BEGAIN: variants seen among roughly 807,000 people sequenced by gnomAD.
BEGAIN encodes the protein brain enriched guanylate kinase associated, also known as brain-enriched guanylate kinase-associated protein.
In BEGAIN, 19 loss-of-function variants were observed where a neutral mutation model predicts 35.8. The observed-to-expected ratio is 0.53, with a 90% CI of 0.37 to 0.78. The LOEUF (loss-of-function observed/expected upper bound fraction) is 0.78, where lower values mean the gene tolerates loss of function less well. Among genes scored for constraint, BEGAIN ranks in the 30% least tolerant of loss-of-function variants. The probability of loss-of-function intolerance (pLI) is 0.00; values close to 1 mark genes in which losing one functional copy is unlikely to be tolerated. For missense variants in BEGAIN, 795 were observed against 853.6 expected, an observed-to-expected ratio of 0.93 and a Z score of 0.85; for synonymous variants, 462 against 388.6, an observed-to-expected ratio of 1.19 and a Z score of -2.22.
At chr14:100,583,692 C>CTTTTTTTTTT (rs56090356) in intron 1 of BEGAIN, among the ~76,000 whole-genome samples, 3,280 of 108,748 alleles carry the variant, frequency 0.03, 278 homozygotes, top group Non-Finnish European at 0.036. Context: ...GTTTTTCTTC[C>CTTTTTTTTTT]TTTTTTTTTT....
intron 3 of BEGAIN, chr14:100,545,521 G>A (rs994564978): frequency 1.4e-5 from 11 of 793,772 alleles, no homozygotes; most frequent in African/African-American, 7.5e-5. Flanking sequence ...AACAAGACTC[G>A]GTTCTGCCGG....
chr14:100,551,669 CA>C (rs1464403335), intron 2 of BEGAIN, among the ~76,000 whole-genome samples: 2 of 152,114 alleles, frequency 1.3e-5, no homozygotes, highest in Non-Finnish European at 2.9e-5. Context: ...GATGAAAAAT[CA>C]GAGAAAAAAA....
intron 2 of BEGAIN, among the ~76,000 whole-genome samples, chr14:100,551,684 C>A (rs2033213055): frequency 6.6e-6 from 1 of 152,138 alleles, no homozygotes; most frequent in Non-Finnish European, 1.5e-5. Flanking sequence ...AAAAAAATTG[C>A]TAAAGATCAA....
At chr14:100,583,563 C>T (rs2035365654) in intron 1 of BEGAIN, among the ~76,000 whole-genome samples, 1 of 152,094 alleles carries the variant, frequency 6.6e-6, no homozygotes, top group Non-Finnish European at 1.5e-5. Context: ...TCCATCTGTC[C>T]ACCCACCCAT....
At chr14:100,561,206 G>A (rs759300381) in intron 2 of BEGAIN, among the ~76,000 whole-genome samples, 25 of 152,308 alleles carry the variant, frequency 1.6e-4, no homozygotes, top group Non-Finnish European at 2.5e-4. Context: ...CCCCAGCTCA[G>A]AGACCCTCAG....
Position 100,538,838 on chromosome 14 carries a change from C to A in BEGAIN, c.970G>T (p.Ala324Ser). 2 of 1,605,874 alleles carry A rather than the reference C, an allele frequency of 1.2e-6. No individual in the cohort carries two copies. Among genetic ancestry groups the A allele is most frequent in the Non-Finnish European group, 1.7e-6 (2 of 1,177,838 alleles). ...GCGTGCTCCTTCTCCTCCGACGTGG[C>A]GCTGAAGCTGGAGTAGGAGCTGGAC... ...PTSSSYSSFS[A>S]TSEEKEHAQA... The change falls in exon 7 of 7, where the codon GCC (alanine) becomes TCC (serine). Residue 324 changes from alanine (A) to serine (S), a missense_variant. Physicochemically the swap from Ala to Ser is moderately conservative, Grantham distance 99. Around this residue, in one of 3 missense-constraint regions of BEGAIN, gnomAD observed 664 missense variants for 647.7 expected, o/e 1.03. Transcript: ENST00000554140.
intron 5 of BEGAIN, among the ~76,000 whole-genome samples, chr14:100,542,931 G>A (rs771191695): frequency 6.6e-6 from 1 of 152,204 alleles, no homozygotes; most frequent in Non-Finnish European, 1.5e-5. Context: ...CAGGTTTCTG[G>A]GAGGAGCCTC....
Position 100,538,933 on chromosome 14 carries a change from G to GCCTCCT in BEGAIN, c.869_874dup (p.Glu290_Glu291dup), listed in dbSNP as rs763383050. 3.2e-6 allele frequency: 5 copies of GCCTCCT among 1,551,540 alleles called. No individual in the cohort carries two copies. The highest frequency in any genetic ancestry group is 2.3e-5 in the East Asian group (1 of 43,024). On this transcript the variant is annotated inframe_insertion, in exon 7 of 7. Coordinates refer to ENST00000554140, the MANE Select transcript of BEGAIN (RefSeq NM_001385089.1). Reference sequence around the variant, plus strand: ...GCCCGCCGGGAAGGCCGCCGCCTCGGCCTCCTCCTCCTCCTCGGCCGCGCT... The same window carrying GCCTCCT: ...GCCCGCCGGGAAGGCCGCCGCCTCGGCCTCCTCCTCCTCCTCCTCCTCGGCCGCGCT...
At position 100,543,882 on chromosome 14, in the gene BEGAIN, G is replaced by T. The variant is rs974217549; in HGVS notation, c.384C>A (p.Thr128=). The change falls in exon 5 of 7, where the codon ACC becomes ACA. Residue 128 remains threonine (T), a synonymous_variant. Transcript: ENST00000554140. ...LNSHLLEAKV[T]IDKLSEDNEL... Reference sequence around the variant, plus strand: ...CGTTGTCCTCTGACAGCTTGTCGATGGTCACCTTGGCTTCTAGCAGATGGC... The same window carrying T: ...CGTTGTCCTCTGACAGCTTGTCGATTGTCACCTTGGCTTCTAGCAGATGGC... 6.2e-7 allele frequency: 1 copy of T among 1,613,544 alleles called. No homozygotes were observed. The highest frequency in any genetic ancestry group is 8.5e-7 in the Non-Finnish European group (1 of 1,179,800).
chr14:100,585,456 C>CCATT (rs1235815505), intron 1 of BEGAIN, among the ~76,000 whole-genome samples: 6 of 132,302 alleles, frequency 4.5e-5, no homozygotes, highest in East Asian at 2.2e-4. Context: ...ATCCATCCAT[C>CCATT]CATTCATCCA....
Position 100,537,847 on chromosome 14 carries a change from A to ACC in BEGAIN, c.*121_*122insGG, listed in dbSNP as rs2030784766. On this transcript the variant is annotated 3_prime_UTR_variant, in exon 7 of 7. Coordinates refer to ENST00000554140, the MANE Select transcript of BEGAIN (RefSeq NM_001385089.1). ...GGGAGGAGAGGAGGTGCGGGGAGGA[A>ACC]CAGACTCCTCGTTGTTGGCCGGGGC... is the stretch of plus-strand genomic sequence containing the variant. The ACC allele has an allele frequency of 4.3e-6, 6 of 1,385,988 alleles. No homozygotes were observed. In the East Asian group the frequency reaches 1.6e-4, roughly 37 times the overall value. The allele number at this position is 1,385,988 out of a possible 1,614,324, so 85.9% of individuals were successfully genotyped here.
chr14:100,545,121 C>A (rs1203225283), intron 3 of BEGAIN, 55 bp from the exon 4 acceptor site: 147 of 1,609,864 alleles, frequency 9.1e-5, no homozygotes, highest in Non-Finnish European at 1.6e-5. Flanking sequence ...CTCCCACGAC[C>A]CTTATGGCCG....
rs367712948 is a variant in BEGAIN, at chr14:100,564,042, G to A, written c.71+3869C>T. Reference sequence around the variant, plus strand: ...GCAAGGAACCACTGAGCACAAGGTCGGTGTCCCGGTGACTGCTTGGAGTAG... The same window carrying A: ...GCAAGGAACCACTGAGCACAAGGTCAGTGTCCCGGTGACTGCTTGGAGTAG... On this transcript the variant is annotated intron_variant, in intron 2 of 6. Transcript: ENST00000554140. 1.5e-3 allele frequency among the ~76,000 whole-genome samples: 223 copies of A among 151,990 alleles called. 1 individual carries two copies. The highest frequency in any genetic ancestry group is 5.1e-3 in the African/African-American group (212 of 41,466).
At position 100,563,861 on chromosome 14, in the gene BEGAIN, C is replaced by T. The variant is rs964776064; in HGVS notation, c.71+4050G>A. Among the ~76,000 whole-genome samples, 2 of 152,198 alleles carry T rather than the reference C, an allele frequency of 1.3e-5. No homozygotes were observed. Among genetic ancestry groups the T allele is most frequent in the Non-Finnish European group, 2.9e-5 (2 of 68,040 alleles). ...CAACAGCAACTGGTAGCTCCACCTA[C>T]CACCACAAGGGACCCTCACAAACAG... On this transcript the variant is annotated intron_variant, in intron 2 of 6. Coordinates refer to ENST00000554140, the MANE Select transcript of BEGAIN (RefSeq NM_001385089.1). The surrounding 1 kb of genome is among the most constrained non-coding windows in gnomAD (Gnocchi z 4.2).
At chr14:100,571,260 C>T (rs2035073048) in intron 1 of BEGAIN, among the ~76,000 whole-genome samples, 1 of 152,228 alleles carries the variant, frequency 6.6e-6, no homozygotes, top group Non-Finnish European at 1.5e-5. Context: ...CTGTTGGCCA[C>T]TAGCCCCTGC....
intron 2 of BEGAIN, 34 bp from the exon 3 acceptor site, chr14:100,546,696 G>C: frequency 6.5e-7 from 1 of 1,533,498 alleles, no homozygotes; most frequent in Non-Finnish European, 8.7e-7. Flanking sequence ...GCCGGGCCGC[G>C]GCGCTGAGCG....
chr14:100,541,144 G>A (rs1024472590), intron 5 of BEGAIN, among the ~76,000 whole-genome samples: 4 of 152,272 alleles, frequency 2.6e-5, no homozygotes, highest in Non-Finnish European at 5.9e-5. Context: ...AGGCCCAGGC[G>A]GGCGCTGGCT....
chr14:100,568,185 G>GC lies in BEGAIN; in HGVS notation c.43-247dup. ...CGCCGCGCTCCCCGCACCGAGTTACGCCCCCCGGGGCGAAGAAGGGGCCGG... is the reference window on the plus strand; with the variant it reads ...CGCCGCGCTCCCCGCACCGAGTTACGCCCCCCCGGGGCGAAGAAGGGGCCGG... On this transcript the variant is annotated intron_variant, in intron 1 of 6. Coordinates refer to ENST00000554140, the MANE Select transcript of BEGAIN (RefSeq NM_001385089.1). The surrounding 1 kb of genome is among the most constrained non-coding windows in gnomAD (Gnocchi z 7.5). 3 of 812,626 alleles carry GC rather than the reference G, an allele frequency of 3.7e-6. No homozygotes were observed. The highest frequency in any genetic ancestry group is 4.8e-5 in the South Asian group (1 of 20,682). 50.3% of individuals were successfully genotyped at this position (812,626 alleles called of 1,614,324 possible). A position where few individuals can be genotyped will look rare whatever the true frequency, so the allele number is the denominator to read the frequency against.
rs1463653109 is a variant in BEGAIN at position 100,573,560 on chromosome 14, C to T, written c.43-5621G>A. ...GGACCCCAGGGCATCCAGCCAGGCC[C>T]ACGGGGCCTGGGGTGGAGGTGGGAG... On this transcript the variant is annotated intron_variant, in intron 1 of 6. Coordinates refer to ENST00000554140, the MANE Select transcript of BEGAIN (RefSeq NM_001385089.1). This position sits in a 1 kb window ranked among gnomAD's most constrained non-coding sequence, Gnocchi z 4.2. Among the ~76,000 whole-genome samples the T allele has an allele frequency of 6.6e-6, 1 of 152,092 alleles. No individual in the cohort carries two copies. The highest frequency in any genetic ancestry group is 2.4e-5 in the African/African-American group (1 of 41,416).
Sources: allele counts gnomAD v4.1 joint callset (sites outside exome capture counted in the v4.1 genomes callset), GRCh38; gene constraint gnomAD v4.1.1; regional missense constraint gnomAD v4.1.1; non-coding constraint Gnocchi (gnomAD v3.1); transcripts MANE v1.5; gene names NCBI Gene and HGNC (gene_info 2026-07-23, HGNC 2026-07-21).